NCKAP1: variants seen among roughly 807,000 people sequenced by gnomAD.
NCKAP1 encodes nck-associated protein 1.
Under a neutral mutation model 151.2 loss-of-function variants are expected in NCKAP1, and 21 were observed. That is an observed-to-expected ratio of 0.14 (90% CI 0.10 to 0.20). The LOEUF is 0.20. NCKAP1 is among the 10% of genes least tolerant of loss of function. NCKAP1 has a pLI of 1.00. For synonymous variants in NCKAP1, 484 were observed against 451.8 expected (o/e 1.07, Z -0.90); for missense variants, 933 against 1,352.1 (o/e 0.69, Z 4.86).
At chr2:183,025,736 GAAT>G (rs975942626) in intron 1 of NCKAP1, among the ~76,000 whole-genome samples, 5 of 151,928 alleles carry the variant, frequency 3.3e-5, no homozygotes, top group African/African-American at 1.2e-4. Context: ...TAATAGCTAA[GAAT>G]AATAATCACA....
intron 13 of NCKAP1, among the ~76,000 whole-genome samples, chr2:182,980,427 T>C (rs1205932374): frequency 6.6e-6 from 1 of 152,082 alleles, no homozygotes; most frequent in Non-Finnish European, 1.5e-5. Context: ...AGTCTTTATA[T>C]AAAGAGGATT....
intron 17 of NCKAP1, among the ~76,000 whole-genome samples, chr2:182,962,709 T>A (rs1697481145): frequency 6.6e-6 from 1 of 151,756 alleles, no homozygotes; most frequent in African/African-American, 2.4e-5. Flanking sequence ...CATAACTTTG[T>A]ATAAACAGGA....
intron 2 of NCKAP1, among the ~76,000 whole-genome samples, chr2:183,011,808 G>A (rs1698595242): frequency 6.6e-6 from 1 of 152,162 alleles, no homozygotes; most frequent in African/African-American, 2.4e-5. Flanking sequence ...TCTGAGATAT[G>A]ATTCAAAGAG....
At chr2:182,963,791 A>T (rs1363195396) in intron 17 of NCKAP1, among the ~76,000 whole-genome samples, 1 of 152,124 alleles carries the variant, frequency 6.6e-6, no homozygotes, top group Non-Finnish European at 1.5e-5. Flanking sequence ...TATTAAATCT[A>T]AAAAATTCAT....
chr2:182,959,471 A>G (rs1397104915), intron 18 of NCKAP1, among the ~76,000 whole-genome samples: 2 of 152,186 alleles, frequency 1.3e-5, no homozygotes, highest in African/African-American at 4.8e-5. Flanking sequence ...ATATAAACAG[A>G]ACCAACGACA....
At chr2:182,954,806 T>A (rs1015998248) in intron 20 of NCKAP1, among the ~76,000 whole-genome samples, 2 of 150,964 alleles carry the variant, frequency 1.3e-5, no homozygotes, top group African/African-American at 4.9e-5. Flanking sequence ...AATAAATAAA[T>A]TAAATAAAAT....
rs1697212191 is a variant in NCKAP1 at position 182,951,374 on chromosome 2, GAA to G, written c.2601+1029_2601+1030del. ...CCACTACCGTCTATCATTTTCTTAAGAAACTAAAAATTGGCCAGGCACGGTGG... is the reference window on the plus strand; with the variant it reads ...CCACTACCGTCTATCATTTTCTTAAGACTAAAAATTGGCCAGGCACGGTGG... On this transcript the variant is annotated intron_variant, in intron 23 of 30. Transcript: ENST00000361354. Among the ~76,000 whole-genome samples the G allele has an allele frequency of 2.6e-5, 4 of 151,596 alleles. No homozygotes were observed. In the South Asian group the frequency reaches 8.4e-4, roughly 32 times the overall value.
intron 15 of NCKAP1, among the ~76,000 whole-genome samples, chr2:182,972,628 C>A (rs956805688): frequency 6.6e-6 from 1 of 152,152 alleles, no homozygotes; most frequent in Non-Finnish European, 1.5e-5. Context: ...TTTATTGCAG[C>A]AATATTCACA....
intron 16 of NCKAP1, 130 bp from the exon 17 acceptor site, chr2:182,964,938 T>G: frequency 1.6e-6 from 1 of 606,300 alleles, no homozygotes; most frequent in Non-Finnish European, 2.6e-6. Context: ...GAGAATATTT[T>G]TCCCCCAAAG....
At chr2:183,003,366 A>G in intron 2 of NCKAP1, 41 bp from the exon 3 acceptor site, 2 of 1,177,602 alleles carry the variant, frequency 1.7e-6, no homozygotes, top group East Asian at 2.4e-5. Context: ...ATAGAGAACA[A>G]AAGTATTTAA....
intron 2 of NCKAP1, among the ~76,000 whole-genome samples, chr2:183,012,621 CTTTT>C (rs1195286454): frequency 7.3e-6 from 1 of 136,364 alleles, no homozygotes. Flanking sequence ...CCCCTTACGC[CTTTT>C]TTTTTTTTTT....
intron 1 of NCKAP1, among the ~76,000 whole-genome samples, chr2:183,032,780 C>T (rs1190954305): frequency 6.6e-6 from 1 of 152,184 alleles, no homozygotes. Context: ...GGTGCGGTAG[C>T]TTACACCTGT....
At chr2:182,999,105 T>C (rs1382590031) in intron 6 of NCKAP1, among the ~76,000 whole-genome samples, 3 of 152,068 alleles carry the variant, frequency 2.0e-5, no homozygotes, top group Non-Finnish European at 4.4e-5. Flanking sequence ...TTCAACACTA[T>C]TCCAATCAAA....
intron 6 of NCKAP1, among the ~76,000 whole-genome samples, chr2:182,996,207 G>C (rs564971270): frequency 2.0e-4 from 30 of 152,218 alleles, no homozygotes; most frequent in African/African-American, 6.7e-4. Flanking sequence ...AGTTCCAAAA[G>C]AAAAAGACTT....
intron 16 of NCKAP1, among the ~76,000 whole-genome samples, chr2:182,966,600 C>T (rs547413799): frequency 6.6e-6 from 1 of 152,202 alleles, no homozygotes; most frequent in South Asian, 2.1e-4. Flanking sequence ...CACTGTTTAT[C>T]AATCTGATCA....
chr2:182,957,286 G>A, intron 19 of NCKAP1, 171 bp downstream of exon 19: 2 of 651,822 alleles, frequency 3.1e-6, no homozygotes, highest in Non-Finnish European at 4.5e-6. Context: ...TCTGTATTTT[G>A]AGATGAAATA....
chr2:182,929,554 T>TA (rs1696717499), intron 27 of NCKAP1, among the ~76,000 whole-genome samples: 1 of 151,954 alleles, frequency 6.6e-6, no homozygotes, highest in Non-Finnish European at 1.5e-5. Context: ...TTTATTGTGA[T>TA]ATGCACTCAA....
chr2:182,929,777 A>AC (rs1342212211), intron 27 of NCKAP1, among the ~76,000 whole-genome samples: 8 of 148,830 alleles, frequency 5.4e-5, no homozygotes, highest in Non-Finnish European at 1.0e-4. Context: ...AAAAAAAAAA[A>AC]CTGATGAACT....
chr2:183,003,436 T>C, intron 2 of NCKAP1, 111 bp from the exon 3 acceptor site: 1 of 684,430 alleles, frequency 1.5e-6, no homozygotes, highest in South Asian at 1.9e-5. Flanking sequence ...TTTTAGAATA[T>C]TTCTAGATGA....
Sources: gnomAD v4.1 joint callset for allele counts (sites outside exome capture counted in the v4.1 genomes callset) on GRCh38, gnomAD v4.1.1 for gene constraint, MANE v1.5 for transcripts, NCBI Gene and HGNC (gene_info 2026-07-23, HGNC 2026-07-21) for gene names.